The following CEMIP2 variants were observed in gnomAD, a reference collection of about 807,000 sequenced individuals.
CEMIP2 encodes cell migration inducing hyaluronidase 2.
A neutral mutation model predicts 146.9 loss-of-function variants in CEMIP2; 79 were observed. The ratio of observed to expected loss-of-function variants is 0.54; its 90% CI spans 0.45 to 0.65. The LOEUF is 0.65. CEMIP2 is among the 30% of genes least tolerant of loss of function. CEMIP2 has a pLI of 0.00. For missense variants in CEMIP2, 1,596 were observed against 1,696.2 expected, an observed-to-expected ratio of 0.94 and a Z score of 1.04; for synonymous variants, 601 against 606.3, an observed-to-expected ratio of 0.99 and a Z score of 0.13.
intron 4 of CEMIP2, among the ~76,000 whole-genome samples, chr9:71,740,541 A>G (rs1188100165): frequency 6.6e-6 from 1 of 152,212 alleles, no homozygotes; most frequent in African/African-American, 2.4e-5. Context: ...CATTCTGGCC[A>G]AAATCCATTT....
In CEMIP2 at chr9:71,722,365, A is replaced by C. The variant is rs577069933; in HGVS notation, c.2267+62T>G. 2.4e-6 allele frequency: 3 copies of C among 1,230,914 alleles called. No homozygotes were observed. In the African/African-American group the frequency reaches 5.9e-5, roughly 24 times the overall value. The allele number at this position is 1,230,914 out of a possible 1,614,324, so 76.2% of individuals were successfully genotyped here. A position where few individuals can be genotyped will look rare whatever the true frequency, so the allele number is the denominator to read the frequency against. On this transcript the variant is annotated intron_variant, in intron 12 of 23. Transcript: ENST00000377044. ...CCACAGAAAGAGCACAATAAACTCC[A>C]GTTAGAAAGTTTTGCTTTGGCAAAG... is the stretch of plus-strand genomic sequence containing the variant.
intron 16 of CEMIP2, 59 bp from the exon 17 acceptor site, chr9:71,709,533 C>T: frequency 7.1e-7 from 1 of 1,418,086 alleles, no homozygotes; most frequent in Non-Finnish European, 9.9e-7. Flanking sequence ...TCTCAGCATC[C>T]CCTGCAATGA....
intron 22 of CEMIP2, among the ~76,000 whole-genome samples, chr9:71,688,573 A>G (rs1822139170): frequency 1.3e-5 from 2 of 151,666 alleles, no homozygotes; most frequent in African/African-American, 4.8e-5. Flanking sequence ...TTTTTAGTAG[A>G]GATGAGGTTT....
chr9:71,725,728 G>A lies in CEMIP2; in HGVS notation c.2050-19C>T, dbSNP rs1318120219. On this transcript the variant is annotated intron_variant, in intron 10 of 23. Transcript: ENST00000377044. ...CAGCATCCTACAAATGAAAGGACAA[G>A]CCCATTAAAAGCCTAATTTATACAG... 6.2e-7 allele frequency: 1 copy of A among 1,607,932 alleles called. No individual in the cohort carries two copies. The highest frequency in any genetic ancestry group is 8.5e-7 in the Non-Finnish European group (1 of 1,177,606).
intron 10 of CEMIP2, among the ~76,000 whole-genome samples, chr9:71,727,258 A>G (rs1204693625): frequency 6.6e-6 from 1 of 152,174 alleles, no homozygotes; most frequent in Non-Finnish European, 1.5e-5. Flanking sequence ...TTCTAAAAAG[A>G]GCTAAAAGAA....
intron 22 of CEMIP2, among the ~76,000 whole-genome samples, chr9:71,689,792 TAAAATA>T (rs1563991559): frequency 6.6e-6 from 1 of 152,106 alleles, no homozygotes; most frequent in Non-Finnish European, 1.5e-5. Context: ...AAAAAATAAA[TAAAATA>T]AAAAGTGGGA....
rs562339346 is a variant in CEMIP2 at position 71,690,711 on chromosome 9, C to T, written c.3697-465G>A. 3.3e-5 allele frequency among the ~76,000 whole-genome samples: 5 copies of T among 152,280 alleles called. No homozygotes were observed. In the East Asian group the frequency reaches 5.8e-4, roughly 18 times the overall value. Reference sequence around the variant, plus strand: ...CATGCCTTGATCCACAGGAATTCCACGTTAGTTTATATTTGTAGTTTGCTA... The same window carrying T: ...CATGCCTTGATCCACAGGAATTCCATGTTAGTTTATATTTGTAGTTTGCTA... On this transcript the variant is annotated intron_variant, in intron 21 of 23. Coordinates refer to ENST00000377044, the MANE Select transcript of CEMIP2 (RefSeq NM_013390.3).
chr9:71,738,216 CT>C (rs1177229122), intron 5 of CEMIP2, among the ~76,000 whole-genome samples: 3 of 152,218 alleles, frequency 2.0e-5, no homozygotes, highest in East Asian at 1.9e-4. Context: ...AAGAAACATT[CT>C]TTTTTTCATA....
At position 71,740,135 on chromosome 9, in the gene CEMIP2, G is replaced by C; in HGVS notation, c.1132C>G (p.Leu378Val). 1 of 1,614,032 alleles carries C rather than the reference G, an allele frequency of 6.2e-7. No homozygotes were observed. Among genetic ancestry groups the C allele is most frequent in the East Asian group, 2.2e-5 (1 of 44,874 alleles). Residue 378 changes from leucine to valine, a missense_variant, in exon 5 of 24, where the codon CTT becomes GTT. Coordinates refer to ENST00000377044, the MANE Select transcript of CEMIP2 (RefSeq NM_013390.3). ...ACAGTATAAAATTCTCTTTGGGCAA[G>C]AGCCTTCCCGCCACTGCTATGATTT... ...YENHSSGGKA[L>V]AQREFYTVDG...
At chr9:71,728,947 C>A (rs1020483029) in intron 10 of CEMIP2, among the ~76,000 whole-genome samples, 3 of 151,900 alleles carry the variant, frequency 2.0e-5, no homozygotes, top group Non-Finnish European at 2.9e-5. Flanking sequence ...CCTCCCACCC[C>A]AGCCTCCCAA....
intron 1 of CEMIP2, among the ~76,000 whole-genome samples, chr9:71,760,504 C>G (rs1824599890): frequency 6.9e-6 from 1 of 145,680 alleles, no homozygotes; most frequent in African/African-American, 2.4e-5. Context: ...TCTAATTTTT[C>G]TGATCCCAAA....
chr9:71,740,965 G>A (rs1823896080), intron 4 of CEMIP2, among the ~76,000 whole-genome samples: 1 of 151,486 alleles, frequency 6.6e-6, no homozygotes, highest in African/African-American at 2.4e-5. Context: ...ATTTCTAACA[G>A]GTTACCACAT....
chr9:71,685,995 C>T, intron 22 of CEMIP2, 149 bp from the exon 23 acceptor site: 1 of 624,998 alleles, frequency 1.6e-6, no homozygotes, highest in Non-Finnish European at 2.8e-6. Context: ...GATTTTCCAT[C>T]CAATTCCCAC....
At chr9:71,736,906 T>C (rs933645808) in intron 5 of CEMIP2, among the ~76,000 whole-genome samples, 3 of 152,098 alleles carry the variant, frequency 2.0e-5, no homozygotes, top group Non-Finnish European at 2.9e-5. Flanking sequence ...ATGGGCGTGG[T>C]GGCTTATTCC....
At chr9:71,686,072 A>C in intron 22 of CEMIP2, 3 of 473,802 alleles carry the variant, frequency 6.3e-6, no homozygotes, top group Non-Finnish European at 1.1e-5. Context: ...CATAAACCAA[A>C]TCATTTACGT....
intron 4 of CEMIP2, among the ~76,000 whole-genome samples, chr9:71,744,421 G>T (rs1405149590): frequency 6.6e-6 from 1 of 150,744 alleles, no homozygotes; most frequent in Non-Finnish European, 1.5e-5. Context: ...ATAAATAGCA[G>T]AAATGAATTC....
intron 1 of CEMIP2, among the ~76,000 whole-genome samples, chr9:71,758,222 A>C (rs556950733): frequency 6.6e-6 from 1 of 152,228 alleles, no homozygotes; most frequent in African/African-American, 2.4e-5. Context: ...GATCTGCTCG[A>C]TTGTGTATTA....
At chr9:71,704,875 A>C (rs12339216) in intron 17 of CEMIP2, 72 bp from the exon 18 acceptor site, 62,202 of 1,429,516 alleles carry the variant, frequency 0.044, 3,727 homozygotes, top group African/African-American at 0.26. Flanking sequence ...TTTTCAGCAC[A>C]AAGTCAAGTG....
intron 17 of CEMIP2, among the ~76,000 whole-genome samples, chr9:71,705,357 G>C (rs375902587): frequency 1.3e-5 from 2 of 151,344 alleles, no homozygotes; most frequent in Non-Finnish European, 2.9e-5. Flanking sequence ...AGACAAATTT[G>C]AAAGTCCTGA....
Sources: gnomAD v4.1 joint callset for allele counts (sites outside exome capture counted in the v4.1 genomes callset) on GRCh38, gnomAD v4.1.1 for gene constraint, MANE v1.5 for transcripts, NCBI Gene and HGNC (gene_info 2026-07-23, HGNC 2026-07-21) for gene names.